UNKL: variants seen among roughly 807,000 people sequenced by gnomAD.
UNKL encodes unk like zinc finger.
A neutral mutation model predicts 78.0 loss-of-function variants in UNKL; 60 were observed. The observed-to-expected ratio is 0.77, with a 90% CI of 0.63 to 0.95. The LOEUF (loss-of-function observed/expected upper bound fraction) is 0.95. Among genes scored for constraint, UNKL ranks in the 40% least tolerant of loss-of-function variants. UNKL has a pLI of 0.00. For synonymous variants in UNKL, 608 were observed against 474.8 expected, an observed-to-expected ratio of 1.28 and a Z score of -3.65; for missense variants, 1,159 against 1,045.7, an observed-to-expected ratio of 1.11 and a Z score of -1.49.
chr16:1,390,153 A>G (rs1555457507), intron 9 of UNKL, among the ~76,000 whole-genome samples: 1 of 152,026 alleles, frequency 6.6e-6, no homozygotes, highest in Non-Finnish European at 1.5e-5. Context: ...TGCCTGGCTA[A>G]TATTTTGTAT....
At chr16:1,367,374 A>AC (rs1331815761) in intron 13 of UNKL, 25 bp from the exon 14 acceptor site, 2 of 1,515,866 alleles carry the variant, frequency 1.3e-6, no homozygotes, top group African/African-American at 1.4e-5. Flanking sequence ...CCGTCTCAGC[A>AC]CCCCCCACCT....
intron 8 of UNKL, among the ~76,000 whole-genome samples, chr16:1,391,806 G>A (rs771993310): frequency 7.2e-5 from 11 of 152,158 alleles, no homozygotes; most frequent in Non-Finnish European, 1.2e-4. Context: ...TCCTGCCTCA[G>A]CCTCTGGAGT....
chr16:1,372,275 A>G (rs1596662486), intron 10 of UNKL, among the ~76,000 whole-genome samples: 1 of 151,986 alleles, frequency 6.6e-6, no homozygotes, highest in African/African-American at 2.4e-5. Flanking sequence ...AAAAAAACAA[A>G]AACAAAAACA....
intron 11 of UNKL, 84 bp downstream of exon 11, chr16:1,371,433 TCC>T: frequency 7.4e-7 from 1 of 1,359,508 alleles, no homozygotes; most frequent in South Asian, 1.3e-5. Flanking sequence ...AGCCTTGACC[TCC>T]CCGGGCTCAA....
At chr16:1,390,773 C>T in intron 8 of UNKL, 79 bp from the exon 9 acceptor site, 2 of 1,472,076 alleles carry the variant, frequency 1.4e-6, no homozygotes, top group South Asian at 2.4e-5. Flanking sequence ...AGGCTGGGCA[C>T]AGTGGCAGCA....
chr16:1,367,354 A>T lies in UNKL; in HGVS notation c.1789-5T>A. The stretch of plus-strand genomic sequence containing the variant: ...TCGCTGCCAGGCATCGCAGACCTGA[A>T]ACCCAGGGCCCGTCTCAGCACCCCC... On this transcript the variant is annotated splice_region_variant and splice_polypyrimidine_tract_variant and intron_variant, in intron 13 of 14. Coordinates refer to ENST00000389221, the MANE Select transcript of UNKL (RefSeq NM_001372107.1). 1 of 1,537,810 alleles carries T rather than the reference A, an allele frequency of 6.5e-7. No homozygotes were observed. Among genetic ancestry groups the T allele is most frequent in the Non-Finnish European group, 8.7e-7 (1 of 1,146,564 alleles).
Position 1,369,972 on chromosome 16 carries a change from C to A in UNKL, c.1585+158G>T, listed in dbSNP as rs1225210160. On this transcript the variant is annotated intron_variant, in intron 12 of 14. Coordinates refer to ENST00000389221, the MANE Select transcript of UNKL (RefSeq NM_001372107.1). ...CCTGGGCGACAGAGCGAGACTCGGT[C>A]TGCGGCGTGGGGGAACCTGTGAGCA... is the stretch of plus-strand genomic sequence containing the variant. 2.6e-6 allele frequency: 4 copies of A among 1,550,470 alleles called. No individual in the cohort carries two copies. In the East Asian group the frequency reaches 9.8e-5, roughly 38 times the overall value.
rs551952847 is a variant in UNKL, at chr16:1,403,537, A to C, written c.288-193T>G. ...CCCAAATGTGGAACCGCCCAGGTAC[A>C]CAGACCACCGCAAACCCCCAGTCAA... On this transcript the variant is annotated intron_variant, in intron 2 of 14. Transcript: ENST00000389221. This position sits in a 1 kb window ranked among gnomAD's most constrained non-coding sequence, Gnocchi z 4.8. Among the ~76,000 whole-genome samples the C allele has an allele frequency of 8.3e-4, 127 of 152,284 alleles. No individual in the cohort carries two copies. The highest frequency in any genetic ancestry group is 2.7e-3 in the African/African-American group (111 of 41,550).
Position 1,398,813 on chromosome 16 carries a change from A to C in UNKL, c.734+561T>G, listed in dbSNP as rs974463891. Reference sequence around the variant, plus strand: ...AAGCAGGCTGCGAGGTGCCAAACCCACAAGCCAGACCCAGGGGACAGCTGG... The same window carrying C: ...AAGCAGGCTGCGAGGTGCCAAACCCCCAAGCCAGACCCAGGGGACAGCTGG... On this transcript the variant is annotated intron_variant, in intron 5 of 14. Transcript: ENST00000389221. The C allele has an allele frequency of 4.6e-5, 71 of 1,551,284 alleles. No individual in the cohort carries two copies. In the East Asian group the frequency reaches 1.7e-3, roughly 37 times the overall value.
At position 1,397,203 on chromosome 16, in the gene UNKL, C is replaced by A. The variant is rs1055521638; in HGVS notation, c.827G>T (p.Arg276Leu). 1.3e-6 allele frequency: 2 copies of A among 1,547,162 alleles called. No homozygotes were observed. Among genetic ancestry groups the A allele is most frequent in the Non-Finnish European group, 8.7e-7 (1 of 1,146,944 alleles). Residue 276 changes from arginine (R) to leucine (L), a missense_variant, in exon 6 of 15, where the codon CGC (arginine) becomes CTC (leucine). Physicochemically the swap from Arg to Leu is moderately radical, Grantham distance 102 (BLOSUM62 -2). Transcript: ENST00000389221. Reference sequence around the variant, plus strand: ...CTCGGGATGGAACTGCTGCTCCGTGCGGGAGTGGCAATACTGGCAGCCGTC... The same window carrying A: ...CTCGGGATGGAACTGCTGCTCCGTGAGGGAGTGGCAATACTGGCAGCCGTC... ...GGDGCQYCHS[R>L]TEQQFHPEIY... is the part of the protein sequence containing the mutation.
At chr16:1,368,369 G>A (rs956925828) in intron 12 of UNKL, among the ~76,000 whole-genome samples, 8 of 152,068 alleles carry the variant, frequency 5.3e-5, no homozygotes, top group Admixed American at 3.3e-4. Context: ...TTGGGAGGCC[G>A]AGGCGGGTGG....
At chr16:1,401,271 G>A (rs923334743) in intron 4 of UNKL, 5 of 304,312 alleles carry the variant, frequency 1.6e-5, no homozygotes, top group Admixed American at 1.0e-4. Flanking sequence ...GACGCCTCAC[G>A]AGTTCCGGTG....
At chr16:1,383,764 A>T in intron 10 of UNKL, 1 of 431,454 alleles carries the variant, frequency 2.3e-6, no homozygotes, top group Non-Finnish European at 4.8e-6. Flanking sequence ...GCGGGTCCTG[A>T]TGGTGCTGGG....
intron 2 of UNKL, among the ~76,000 whole-genome samples, chr16:1,408,259 T>TG (rs2037860032): frequency 2.8e-5 from 1 of 36,358 alleles, no homozygotes; most frequent in African/African-American, 8.5e-5. Context: ...ACATGGGAGC[T>TG]GCCCCCCCCC....
In UNKL at chr16:1,414,642, G is replaced by A. The variant is rs779058744; in HGVS notation, c.50C>T (p.Pro17Leu). Residue 17 changes from proline to leucine, a missense_variant, in exon 1 of 15, where the codon CCG (proline) becomes CTG (leucine). Physicochemically the swap from Pro to Leu is moderately conservative, Grantham distance 98. Coordinates refer to ENST00000389221, the MANE Select transcript of UNKL (RefSeq NM_001372107.1). ...GTAGTGGGTCGGCTTCTCAGTCTGCGGGGGGGACCCGCTCAGCGCCGCTGC... is the reference window on the plus strand; with the variant it reads ...GTAGTGGGTCGGCTTCTCAGTCTGCAGGGGGGACCCGCTCAGCGCCGCTGC... ...AAAAALSGSPPQTEKPTHYRY... is the reference protein window; with the variant it reads ...AAAAALSGSPLQTEKPTHYRY... 5.3e-6 allele frequency: 6 copies of A among 1,122,470 alleles called. No individual in the cohort carries two copies. The highest frequency in any genetic ancestry group is 4.9e-5 in the South Asian group (2 of 40,644). The allele number at this position is 1,122,470 out of a possible 1,614,324, so 69.5% of individuals were successfully genotyped here. A position where few individuals can be genotyped will look rare whatever the true frequency, so the allele number is the denominator to read the frequency against.
intron 8 of UNKL, among the ~76,000 whole-genome samples, chr16:1,391,983 C>A (rs1341383812): frequency 6.6e-6 from 1 of 152,174 alleles, no homozygotes; most frequent in Non-Finnish European, 1.5e-5. Context: ...CCACCGCGCC[C>A]GGCCCTGAGT....
Position 1,397,251 on chromosome 16 carries a change from T to G in UNKL, c.779A>C (p.Glu260Ala). The change falls in exon 6 of 15, where the codon GAA becomes GCA. Residue 260 changes from glutamate to alanine, a missense_variant. Glu to Ala is a moderately radical substitution (Grantham distance 107). Coordinates refer to ENST00000389221, the MANE Select transcript of UNKL (RefSeq NM_001372107.1). The stretch of plus-strand genomic sequence containing the variant: ...GTCGCCGCCATCGCAGCGTGAGGGT[T>G]CCCCCCACTCATCCCCGTGCTTCAC... ...PSVKHGDEWG[E>A]PSRCDGGDGC... 6.5e-7 allele frequency: 1 copy of G among 1,541,888 alleles called. No homozygotes were observed. Among genetic ancestry groups the G allele is most frequent in the South Asian group, 1.2e-5 (1 of 83,974 alleles).
chr16:1,405,813 C>G (rs554971017), intron 2 of UNKL: 1 of 376,504 alleles, frequency 2.7e-6, no homozygotes, highest in Non-Finnish European at 5.4e-6. Flanking sequence ...CTCTGCCTCA[C>G]GCTCCAATGC....
intron 12 of UNKL, among the ~76,000 whole-genome samples, chr16:1,368,671 CCAG>C (rs2035522643): frequency 1.4e-5 from 2 of 145,038 alleles, no homozygotes; most frequent in South Asian, 4.5e-4. Context: ...GAGGTCGAGG[CCAG>C]CAGATCACTT....
Sources: gnomAD v4.1 joint callset for allele counts (sites outside exome capture counted in the v4.1 genomes callset) on GRCh38, gnomAD v4.1.1 for gene constraint, Gnocchi (gnomAD v3.1) non-coding constraint, MANE v1.5 for transcripts, NCBI Gene and HGNC (gene_info 2026-07-23, HGNC 2026-07-21) for gene names.